CTNND2: variants seen among roughly 807,000 people sequenced by gnomAD.
CTNND2 encodes the protein catenin delta-2.
In CTNND2, 22 loss-of-function variants were observed where a neutral mutation model predicts 144.4. The observed-to-expected ratio is 0.15, with a 90% confidence interval of 0.11 to 0.22. The LOEUF is 0.22. Ranked by LOEUF, CTNND2 falls within the 10% of genes least tolerant of loss-of-function variation. CTNND2 has a pLI of 1.00. For missense variants in CTNND2, 1,353 were observed against 1,618.8 expected (o/e 0.84, Z 2.82); for synonymous variants, 751 against 695.6 (o/e 1.08, Z -1.25).
chr5:11,074,932 G>GGCCC (rs1748766366), intron 16 of CTNND2, among the ~76,000 whole-genome samples: 1 of 152,120 alleles, frequency 6.6e-6, no homozygotes, highest in Non-Finnish European at 1.5e-5. Flanking sequence ...TTGAAAGGAT[G>GGCCC]GCCCTAATTC....
intron 3 of CTNND2, among the ~76,000 whole-genome samples, chr5:11,497,529 C>A (rs1178535247): frequency 1.9e-3 from 127 of 65,714 alleles, no homozygotes; most frequent in Non-Finnish European, 2.5e-3. Context: ...TGGGGGGGGG[C>A]AATATGTGCA....
At chr5:11,291,949 T>A (rs1494693) in intron 9 of CTNND2, among the ~76,000 whole-genome samples, 19,550 of 149,330 alleles carry the variant, frequency 0.13, 1,444 homozygotes, top group Admixed American at 0.18. Flanking sequence ...TCCCTAAATT[T>A]AAAAAAAAAA....
chr5:11,739,039 C>T (rs562320462), intron 1 of CTNND2, among the ~76,000 whole-genome samples: 5 of 152,284 alleles, frequency 3.3e-5, no homozygotes, highest in Admixed American at 6.5e-5. Flanking sequence ...TGACTATCTA[C>T]ATTTTAATTA....
rs1311326185 is a variant in CTNND2 at position 10,972,248 on chromosome 5, T to G, written c.*1205A>C. 1 of 152,644 alleles carries G rather than the reference T, an allele frequency of 6.6e-6. No homozygotes were observed. The highest frequency in any genetic ancestry group is 2.4e-5 in the African/African-American group (1 of 41,438). The allele number at this position is 152,644 out of a possible 1,614,324, so 9.5% of individuals were successfully genotyped here. On this transcript the variant is annotated 3_prime_UTR_variant, in exon 22 of 22. Transcript: ENST00000304623. The stretch of plus-strand genomic sequence containing the variant: ...TATGCGTGAATGTGTGAAAATCCTA[T>G]AACTCCACTTCAACTGGCCTAATAT...
chr5:11,667,123 T>C (rs1015189787), intron 2 of CTNND2, among the ~76,000 whole-genome samples: 1 of 152,170 alleles, frequency 6.6e-6, no homozygotes, highest in African/African-American at 2.4e-5. Context: ...TCCATAATAT[T>C]CCATGGTGTC....
chr5:11,589,567 C>T (rs1321434636), intron 2 of CTNND2, among the ~76,000 whole-genome samples: 1 of 152,102 alleles, frequency 6.6e-6, no homozygotes, highest in African/African-American at 2.4e-5. Context: ...CCAAAAGGCT[C>T]ACAGGAAAGA....
At chr5:11,261,061 T>A (rs536290770) in intron 9 of CTNND2, among the ~76,000 whole-genome samples, 1 of 152,212 alleles carries the variant, frequency 6.6e-6, no homozygotes, top group South Asian at 2.1e-4. Context: ...TGCTAACATT[T>A]TCAAGATGAT....
chr5:11,146,152 A>ATGT (rs72535950), intron 12 of CTNND2, among the ~76,000 whole-genome samples: 4 of 151,896 alleles, frequency 2.6e-5, no homozygotes, highest in Admixed American at 6.5e-5. Context: ...CACAACTGTC[A>ATGT]CTTCCTCATC....
intron 2 of CTNND2, among the ~76,000 whole-genome samples, chr5:11,642,199 T>G (rs1203314396): frequency 6.6e-6 from 1 of 152,134 alleles, no homozygotes; most frequent in Non-Finnish European, 1.5e-5. Context: ...TATTTATGTC[T>G]CAGGTACAGC....
rs73742369 is a variant in CTNND2, at chr5:11,184,797, C to T, written c.1975+14651G>A. Among the ~76,000 whole-genome samples, 706 of 152,262 alleles carry T rather than the reference C, an allele frequency of 4.6e-3. 7 individuals carry two copies. Among genetic ancestry groups the T allele is most frequent in the African/African-American group, 0.016 (683 of 41,548 alleles). ...AAGTTATGTAGAAACTTATCAAGCA[C>T]GTTCCTCATTATTCCTTCCACCCAA... On this transcript the variant is annotated intron_variant, in intron 11 of 21. Transcript: ENST00000304623.
chr5:11,162,920 C>CACACACACACACAG (rs765626963), intron 11 of CTNND2, among the ~76,000 whole-genome samples: 1 of 142,088 alleles, frequency 7.0e-6, no homozygotes, highest in African/African-American at 2.9e-5. Context: ...CACATACAGA[C>CACACACACACACAG]ACACACACAC....
chr5:11,738,008 C>T (rs935357780), intron 1 of CTNND2, among the ~76,000 whole-genome samples: 7 of 152,174 alleles, frequency 4.6e-5, no homozygotes, highest in Admixed American at 6.5e-5. Flanking sequence ...CTGACCAATA[C>T]AAAAAGTGTT....
chr5:11,166,027 T>C (rs774590346), intron 11 of CTNND2, among the ~76,000 whole-genome samples: 8 of 152,174 alleles, frequency 5.3e-5, no homozygotes, highest in Non-Finnish European at 1.0e-4. Context: ...AATCCTCTCA[T>C]GTGGGTGAGG....
At chr5:11,357,426 G>T (rs997617338) in intron 8 of CTNND2, among the ~76,000 whole-genome samples, 9 of 151,986 alleles carry the variant, frequency 5.9e-5, no homozygotes, top group African/African-American at 2.2e-4. Context: ...ACTAATCCAG[G>T]CACAGAAAGA....
rs1046643780 is a variant in CTNND2, at chr5:11,904,393, G to T, written c.-540C>A. On this transcript the variant is annotated 5_prime_UTR_variant, in exon 1 of 22. Transcript: ENST00000304623. This position sits in a 1 kb window ranked among gnomAD's most constrained non-coding sequence, Gnocchi z 4.2. The stretch of plus-strand genomic sequence containing the variant: ...ACCTAAACCTCGGCGGCCGGCCCGG[G>T]CGCCCGGCTAGTGAGGGAGCGTCCG... Among the ~76,000 whole-genome samples the T allele has an allele frequency of 1.3e-5, 2 of 151,524 alleles. No individual in the cohort carries two copies. The highest frequency in any genetic ancestry group is 4.8e-5 in the African/African-American group (2 of 41,360).
intron 18 of CTNND2, among the ~76,000 whole-genome samples, chr5:11,004,492 A>G (rs942762591): frequency 6.6e-6 from 1 of 152,228 alleles, no homozygotes; most frequent in African/African-American, 2.4e-5. Flanking sequence ...GGCCGGGCGC[A>G]GTGGCTAATG....
chr5:11,083,947 A>C (rs1438949379), intron 15 of CTNND2: 15 of 1,126,618 alleles, frequency 1.3e-5, no homozygotes, highest in Non-Finnish European at 1.7e-5. Flanking sequence ...CCACATCCTC[A>C]GCCCAGCCCT....
chr5:11,341,000 C>G (rs2149730928), intron 9 of CTNND2, among the ~76,000 whole-genome samples: 1 of 152,302 alleles, frequency 6.6e-6, no homozygotes, highest in South Asian at 2.1e-4. Flanking sequence ...TGTCAAGAAA[C>G]CCTAAAGTGA....
intron 18 of CTNND2, among the ~76,000 whole-genome samples, chr5:11,004,861 G>A (rs1295495592): frequency 2.0e-5 from 3 of 152,074 alleles, no homozygotes; most frequent in African/African-American, 7.2e-5. Flanking sequence ...TTACACTCTG[G>A]GGTAGCTACA....
Sources: gnomAD v4.1 joint callset for allele counts (sites outside exome capture counted in the v4.1 genomes callset) on GRCh38, gnomAD v4.1.1 for gene constraint, Gnocchi (gnomAD v3.1) non-coding constraint, MANE v1.5 for transcripts, NCBI Gene and HGNC (gene_info 2026-07-23, HGNC 2026-07-21) for gene names.